MECOM: variants seen among roughly 807,000 people sequenced by gnomAD.
The protein encoded by MECOM is histone-lysine N-methyltransferase MECOM.
MECOM carries 13 observed loss-of-function variants against 116.3 expected under a neutral mutation model. The observed-to-expected ratio is 0.11, with a 90% confidence interval of 0.07 to 0.18. The LOEUF is 0.18. Ranked by LOEUF, MECOM falls within the 10% of genes least tolerant of loss-of-function variation. The pLI is 1.00. For missense variants in MECOM, 1,299 were observed against 1,509.0 expected (o/e 0.86, Z 2.31); for synonymous variants, 528 against 535.2 (o/e 0.99, Z 0.19).
intron 1 of MECOM, among the ~76,000 whole-genome samples, chr3:169,586,955 C>T (rs1180101452): frequency 1.3e-5 from 2 of 152,308 alleles, no homozygotes; most frequent in African/African-American, 2.4e-5. Context: ...TATTAAGTCA[C>T]ATTTATTGAG....
intron 2 of MECOM, among the ~76,000 whole-genome samples, chr3:169,325,951 G>C (rs1463320470): frequency 2.0e-5 from 3 of 152,300 alleles, no homozygotes; most frequent in South Asian, 2.1e-4. Flanking sequence ...CCTGCCACTG[G>C]GCTAGGCACT....
intron 1 of MECOM, among the ~76,000 whole-genome samples, chr3:169,479,752 G>A (rs1291426565): frequency 6.6e-6 from 1 of 150,804 alleles, no homozygotes; most frequent in Non-Finnish European, 1.5e-5. Context: ...CATGCCTAAT[G>A]TCTTCTAAAT....
chr3:169,085,765 T>C (rs1290471421), intron 16 of MECOM, among the ~76,000 whole-genome samples: 1 of 152,234 alleles, frequency 6.6e-6, no homozygotes, highest in Admixed American at 6.5e-5. Flanking sequence ...GGAGGTGCTC[T>C]GTGAGGAAGT....
At chr3:169,234,675 C>T (rs1340749688) in intron 2 of MECOM, among the ~76,000 whole-genome samples, 1 of 152,150 alleles carries the variant, frequency 6.6e-6, no homozygotes, top group Non-Finnish European at 1.5e-5. Flanking sequence ...AGTAGCCCAG[C>T]TTCCACTTCT....
rs977448427 is a variant in MECOM, at chr3:169,136,418, T to C, written c.511-4887A>G. Reference sequence around the variant, plus strand: ...ATATCATACAAGTTATATGTAATTATATATTATGTTTTATAAAATTTATAT... The same window carrying C: ...ATATCATACAAGTTATATGTAATTACATATTATGTTTTATAAAATTTATAT... On this transcript the variant is annotated intron_variant, in intron 3 of 16. Transcript: ENST00000651503. Among the ~76,000 whole-genome samples the C allele has an allele frequency of 7.3e-5, 11 of 151,198 alleles. 1 individual carries two copies. Among genetic ancestry groups the C allele is most frequent in the Admixed American group, 2.6e-4 (4 of 15,122 alleles).
chr3:169,127,834 C>T lies in MECOM; in HGVS notation c.830+10G>A. The T allele has an allele frequency of 6.2e-7, 1 of 1,608,622 alleles. No homozygotes were observed. Among genetic ancestry groups the T allele is most frequent in the Non-Finnish European group, 8.5e-7 (1 of 1,175,122 alleles). On this transcript the variant is annotated intron_variant, in intron 5 of 16. Coordinates refer to ENST00000651503, the MANE Select transcript of MECOM (RefSeq NM_004991.4). Reference sequence around the variant, plus strand: ...ACACAAGTTGTATGGTACAACATGCCATTTCTAACCTTTGCAAATCAGGAA... The same window carrying T: ...ACACAAGTTGTATGGTACAACATGCTATTTCTAACCTTTGCAAATCAGGAA...
intron 2 of MECOM, among the ~76,000 whole-genome samples, chr3:169,235,155 C>T (rs1451475280): frequency 6.6e-6 from 1 of 152,214 alleles, no homozygotes; most frequent in African/African-American, 2.4e-5. Context: ...TGACTTGCCA[C>T]TGACTTCTAT....
At chr3:169,590,089 G>C (rs1766232187) in intron 1 of MECOM, among the ~76,000 whole-genome samples, 1 of 152,172 alleles carries the variant, frequency 6.6e-6, no homozygotes. Flanking sequence ...GAAAACAACA[G>C]ATCATCAACA....
intron 1 of MECOM, among the ~76,000 whole-genome samples, chr3:169,473,928 A>G (rs9855431): frequency 0.078 from 11,905 of 152,174 alleles, 778 homozygotes; most frequent in African/African-American, 0.17. Flanking sequence ...AGATAATTGA[A>G]TCTATAGACA....
At chr3:169,585,407 A>G (rs1311085499) in intron 1 of MECOM, among the ~76,000 whole-genome samples, 3 of 152,124 alleles carry the variant, frequency 2.0e-5, no homozygotes, top group African/African-American at 7.2e-5. Flanking sequence ...CTATAAAAAT[A>G]AAAGTTTGTG....
intron 12 of MECOM, among the ~76,000 whole-genome samples, chr3:169,096,674 G>A (rs1296990355): frequency 2.0e-5 from 3 of 152,202 alleles, no homozygotes; most frequent in Admixed American, 6.5e-5. Context: ...TGAATGCAGA[G>A]TCAGTGGTTC....
At chr3:169,510,372 G>A (rs939318725) in intron 1 of MECOM, among the ~76,000 whole-genome samples, 2 of 151,978 alleles carry the variant, frequency 1.3e-5, no homozygotes, top group Non-Finnish European at 2.9e-5. Context: ...TCTCATACTT[G>A]TTCTAAGGTT....
chr3:169,431,506 T>C (rs546647438), intron 1 of MECOM, among the ~76,000 whole-genome samples: 58 of 152,326 alleles, frequency 3.8e-4, no homozygotes, highest in Middle Eastern at 6.8e-3. Flanking sequence ...CCTTGACCTG[T>C]TGCCAAATGG....
chr3:169,192,270 T>C (rs1747805385), intron 2 of MECOM, among the ~76,000 whole-genome samples: 2 of 152,050 alleles, frequency 1.3e-5, no homozygotes, highest in South Asian at 2.1e-4. Flanking sequence ...ATCTTTTAGG[T>C]ATAACCTTGT....
intron 2 of MECOM, among the ~76,000 whole-genome samples, chr3:169,327,656 AAG>A (rs1414689342): frequency 2.1e-3 from 322 of 151,746 alleles, no homozygotes; most frequent in Middle Eastern, 6.8e-3. Context: ...AAAAAAAAAA[AAG>A]AAAAAAAAGC....
chr3:169,240,940 C>T (rs1372053252), intron 2 of MECOM, among the ~76,000 whole-genome samples: 1 of 152,134 alleles, frequency 6.6e-6, no homozygotes, highest in Non-Finnish European at 1.5e-5. Flanking sequence ...ATGCCCTCTC[C>T]GTGTGGACCT....
At chr3:169,283,234 G>A (rs956755246) in intron 2 of MECOM, among the ~76,000 whole-genome samples, 4 of 152,156 alleles carry the variant, frequency 2.6e-5, no homozygotes, top group Admixed American at 2.0e-4. Context: ...CAGGCATGGT[G>A]GCTCATGCCT....
intron 1 of MECOM, among the ~76,000 whole-genome samples, chr3:169,404,707 C>T (rs1736404494): frequency 6.6e-6 from 1 of 152,194 alleles, no homozygotes; most frequent in South Asian, 2.1e-4. Flanking sequence ...GCAGAGAAGG[C>T]TCTGGCCACC....
chr3:169,663,639 C>T lies in MECOM; in HGVS notation c.-267G>A. ...CTCTCTCCCTTTCTCTCAATCCACA[C>T]TCGCTATCTCTCCAGCATTGTCAGT... On this transcript the variant is annotated 5_prime_UTR_variant, in exon 1 of 17. It adds an upstream start codon to the 5' untranslated region. Coordinates refer to ENST00000651503, the MANE Select transcript of MECOM (RefSeq NM_004991.4). 1.8e-6 allele frequency: 1 copy of T among 552,094 alleles called. No homozygotes were observed. The highest frequency in any genetic ancestry group is 2.4e-5 in the South Asian group (1 of 40,846). 34.2% of individuals were successfully genotyped at this position (552,094 alleles called of 1,614,324 possible).
Sources: allele counts gnomAD v4.1 joint callset (sites outside exome capture counted in the v4.1 genomes callset), GRCh38; gene constraint gnomAD v4.1.1; transcripts MANE v1.5; gene names NCBI Gene and HGNC (gene_info 2026-07-23, HGNC 2026-07-21).